The following VRK1 variants were observed in gnomAD, a reference collection of about 807,000 sequenced individuals.
VRK1 encodes VRK serine/threonine kinase 1.
A neutral mutation model predicts 57.1 loss-of-function variants in VRK1; 33 were observed. The observed-to-expected ratio is 0.58, with a 90% CI of 0.44 to 0.77. The LOEUF (loss-of-function observed/expected upper bound fraction) is 0.77. Ranked by LOEUF, VRK1 falls within the 30% of genes least tolerant of loss-of-function variation. The probability of loss-of-function intolerance (pLI) is 0.00; values close to 1 mark genes in which losing one functional copy is unlikely to be tolerated. For synonymous variants in VRK1, 137 were observed against 147.8 expected (o/e 0.93, Z 0.53); for missense variants, 413 against 477.3 (o/e 0.87, Z 1.25).
At chr14:96,859,034 A>G (rs1888277914) in intron 10 of VRK1, 1 of 152,086 alleles carries the variant, frequency 6.6e-6, no homozygotes, top group Admixed American at 6.5e-5. Context: ...TATGGTATAT[A>G]TTTTATTAAA....
intron 1 of VRK1, among the ~76,000 whole-genome samples, chr14:96,805,696 GA>G (rs1345873039): frequency 6.6e-6 from 1 of 152,108 alleles, no homozygotes; most frequent in East Asian, 1.9e-4. Context: ...TTAGAACATG[GA>G]AAAATGTATC....
rs748750178 is a variant in VRK1, at chr14:96,877,536, C to T, written c.1159+1416C>T. ...AGTCCCAAGGAGCAATACATCGAAG[C>T]ATGTCTCAGCCAGAGGCTAGCAGCA... On this transcript the variant is annotated intron_variant, in intron 12 of 12. Transcript: ENST00000216639. The T allele has an allele frequency of 2.0e-5, 26 of 1,289,374 alleles. No homozygotes were observed. In the South Asian group the frequency reaches 3.1e-4, roughly 15 times the overall value. 79.9% of individuals were successfully genotyped at this position (1,289,374 alleles called of 1,614,324 possible).
intron 1 of VRK1, among the ~76,000 whole-genome samples, chr14:96,831,263 T>G (rs1886993522): frequency 6.6e-6 from 1 of 152,204 alleles, no homozygotes; most frequent in Admixed American, 6.5e-5. Flanking sequence ...GATAAAGGGA[T>G]ACTGTCCCTC....
At chr14:96,881,006 TTCAGAGTATTAGCAA>T (rs1440484633) in intron 12 of VRK1, among the ~76,000 whole-genome samples, 156 bp from the exon 13 acceptor site, 1 of 152,232 alleles carries the variant, frequency 6.6e-6, no homozygotes, top group Non-Finnish European at 1.5e-5. Context: ...TTCTAAGATT[TTCAGAGTATTAGCAA>T]TCATACCTTT....
At chr14:96,826,447 T>C (rs1356202805) in intron 1 of VRK1, among the ~76,000 whole-genome samples, 1 of 152,242 alleles carries the variant, frequency 6.6e-6, no homozygotes, top group Non-Finnish European at 1.5e-5. Flanking sequence ...TGCATCTTGA[T>C]GTGCTTTTCA....
intron 10 of VRK1, among the ~76,000 whole-genome samples, chr14:96,860,029 C>A (rs10400776): frequency 0.28 from 41,943 of 151,938 alleles, 6,491 homozygotes; most frequent in African/African-American, 0.41. Context: ...GTGTACAGTA[C>A]ACTTTTATCA....
intron 5 of VRK1, among the ~76,000 whole-genome samples, chr14:96,851,754 A>G (rs1887958224): frequency 1.3e-5 from 2 of 152,228 alleles, no homozygotes; most frequent in Non-Finnish European, 2.9e-5. Flanking sequence ...ATACTAGAGG[A>G]CAAATTATCA....
At chr14:96,839,865 T>G (rs1227211238) in intron 3 of VRK1, among the ~76,000 whole-genome samples, 1 of 152,106 alleles carries the variant, frequency 6.6e-6, no homozygotes, top group Non-Finnish European at 1.5e-5. Flanking sequence ...AATCACAGGG[T>G]TTTTCTCCTT....
At chr14:96,849,703 CTG>C (rs1416399764) in intron 5 of VRK1, among the ~76,000 whole-genome samples, 1 of 152,182 alleles carries the variant, frequency 6.6e-6, no homozygotes, top group Non-Finnish European at 1.5e-5. Flanking sequence ...GTCATCATCA[CTG>C]TGATTATCAT....
At chr14:96,824,454 T>A (rs1225460136) in intron 1 of VRK1, among the ~76,000 whole-genome samples, 3 of 152,060 alleles carry the variant, frequency 2.0e-5, no homozygotes, top group African/African-American at 7.2e-5. Flanking sequence ...CAGTGTCAGC[T>A]AGATTTCATA....
intron 1 of VRK1, among the ~76,000 whole-genome samples, chr14:96,815,545 G>A (rs1886359967): frequency 1.3e-5 from 2 of 152,018 alleles, no homozygotes; most frequent in Non-Finnish European, 2.9e-5. Context: ...AAATATATCA[G>A]TTAAATATTT....
At chr14:96,860,451 AAG>A in intron 10 of VRK1, 104 bp from the exon 11 acceptor site, 1 of 1,094,556 alleles carries the variant, frequency 9.1e-7, no homozygotes, top group Non-Finnish European at 1.3e-6. Context: ...GTATCTTAAC[AAG>A]ATGTGTATTT....
At chr14:96,870,534 G>T (rs1888780155) in intron 11 of VRK1, among the ~76,000 whole-genome samples, 1 of 152,102 alleles carries the variant, frequency 6.6e-6, no homozygotes, top group South Asian at 2.1e-4. Context: ...GTAGTTCATT[G>T]AATCTCTGGA....
At chr14:96,880,524 C>T (rs1462382611) in intron 12 of VRK1, among the ~76,000 whole-genome samples, 2 of 152,132 alleles carry the variant, frequency 1.3e-5, no homozygotes, top group African/African-American at 4.8e-5. Context: ...CTTGGTGAGG[C>T]AGAATTCCCA....
intron 11 of VRK1, among the ~76,000 whole-genome samples, chr14:96,868,953 G>A (rs1260993105): frequency 2.0e-5 from 3 of 151,884 alleles, no homozygotes; most frequent in South Asian, 4.2e-4. Flanking sequence ...GCGCCACCAC[G>A]CCTGGCTAAT....
intron 1 of VRK1, among the ~76,000 whole-genome samples, chr14:96,800,062 A>G (rs974053000): frequency 4.6e-5 from 7 of 152,118 alleles, no homozygotes; most frequent in African/African-American, 1.7e-4. Context: ...AATGTTTAAT[A>G]AAGGTACAAG....
intron 9 of VRK1, 63 bp from the exon 10 acceptor site, chr14:96,856,465 A>T (rs1401597045): frequency 2.1e-6 from 3 of 1,457,518 alleles, no homozygotes; most frequent in Non-Finnish European, 1.9e-6. Flanking sequence ...TGTGCTATAT[A>T]TTTTTATTTC....
chr14:96,866,678 C>G (rs991609990), intron 11 of VRK1, among the ~76,000 whole-genome samples: 3 of 152,078 alleles, frequency 2.0e-5, no homozygotes, highest in African/African-American at 7.2e-5. Flanking sequence ...CTTTTCTCCC[C>G]CAAGCTGCCT....
At chr14:96,857,180 G>C (rs1365942440) in intron 10 of VRK1, among the ~76,000 whole-genome samples, 1 of 152,140 alleles carries the variant, frequency 6.6e-6, no homozygotes, top group Admixed American at 6.5e-5. Flanking sequence ...GAGGATTTTA[G>C]ACAGTAAACA....
Sources: allele counts gnomAD v4.1 joint callset (sites outside exome capture counted in the v4.1 genomes callset), GRCh38; gene constraint gnomAD v4.1.1; transcripts MANE v1.5; gene names NCBI Gene and HGNC (gene_info 2026-07-23, HGNC 2026-07-21).